The following TRPM8 variants were observed in gnomAD, a reference collection of about 807,000 sequenced individuals.
The protein encoded by TRPM8 is TRPM8 cationic channel.
TRPM8 carries 110 observed loss-of-function variants against 133.7 expected under a neutral mutation model. That is an observed-to-expected ratio of 0.82 (90% CI 0.70 to 0.96). The LOEUF (loss-of-function observed/expected upper bound fraction) is 0.96, where lower values mean the gene tolerates loss of function less well. TRPM8 is among the 40% of genes least tolerant of loss of function. TRPM8 has a pLI of 0.00. For synonymous variants in TRPM8, 535 were observed against 532.3 expected (o/e 1.01, Z -0.07); for missense variants, 1,291 against 1,379.5 (o/e 0.94, Z 1.02).
At chr2:233,945,797 T>C in intron 6 of TRPM8, 59 bp from the exon 7 acceptor site, 1 of 1,457,622 alleles carries the variant, frequency 6.9e-7, no homozygotes, top group Middle Eastern at 1.8e-4. Flanking sequence ...TAGAAAAATA[T>C]CATCATGTAT....
At chr2:233,948,806 G>T (rs943157484) in intron 8 of TRPM8, among the ~76,000 whole-genome samples, 1 of 152,236 alleles carries the variant, frequency 6.6e-6, no homozygotes, top group Admixed American at 6.5e-5. Flanking sequence ...GCCAAGGAGG[G>T]TGGATCACCT....
chr2:233,967,881 G>A (rs567911816), intron 15 of TRPM8, among the ~76,000 whole-genome samples: 8 of 152,090 alleles, frequency 5.3e-5, no homozygotes, highest in East Asian at 3.9e-4. Context: ...TATCTCGCTT[G>A]TGTCCCAGAA....
Position 234,017,817 on chromosome 2 carries a change from C to A in TRPM8, c.*561C>A, listed in dbSNP as rs1264587748. On this transcript the variant is annotated 3_prime_UTR_variant, in exon 26 of 26. Transcript: ENST00000324695. Reference sequence around the variant, plus strand: ...CTTCAGGAAAAGTGTTTTCATTTCTCAGGATGCTTCTTACCTGTCAGAGGA... The same window carrying A: ...CTTCAGGAAAAGTGTTTTCATTTCTAAGGATGCTTCTTACCTGTCAGAGGA... The A allele has an allele frequency of 6.5e-6, 1 of 155,030 alleles. No individual in the cohort carries two copies. The highest frequency in any genetic ancestry group is 1.4e-5 in the Non-Finnish European group (1 of 70,086). 9.6% of individuals were successfully genotyped at this position (155,030 alleles called of 1,614,324 possible).
At chr2:233,929,128 G>T (rs1691633140) in intron 2 of TRPM8, among the ~76,000 whole-genome samples, 1 of 152,006 alleles carries the variant, frequency 6.6e-6, no homozygotes. Context: ...GCCTAAGGGG[G>T]ATGGTATGTG....
At chr2:234,004,978 C>A (rs1692657642) in intron 22 of TRPM8, among the ~76,000 whole-genome samples, 1 of 152,136 alleles carries the variant, frequency 6.6e-6, no homozygotes, top group African/African-American at 2.4e-5. Flanking sequence ...TATGGATGCA[C>A]CATAATTAAT....
At chr2:233,984,725 G>A (rs967687269) in intron 20 of TRPM8, among the ~76,000 whole-genome samples, 1 of 152,136 alleles carries the variant, frequency 6.6e-6, no homozygotes, top group African/African-American at 2.4e-5. Context: ...TTTGGAAAAG[G>A]GAATCTGATG....
At chr2:233,965,754 T>C (rs1691551595) in intron 14 of TRPM8, among the ~76,000 whole-genome samples, 2 of 148,072 alleles carry the variant, frequency 1.4e-5, no homozygotes, top group Admixed American at 1.4e-4. Context: ...CTAATAGTTT[T>C]ACTGTAAAAA....
intron 14 of TRPM8, chr2:233,966,097 T>G (rs918863191): frequency 6.5e-6 from 1 of 154,204 alleles, no homozygotes; most frequent in Non-Finnish European, 1.4e-5. Context: ...TGATCCACAC[T>G]CCTCGGCCTC....
intron 1 of TRPM8, among the ~76,000 whole-genome samples, chr2:233,921,169 C>T (rs191992464): frequency 3.3e-5 from 5 of 152,266 alleles, no homozygotes. Context: ...CCCCAGATTT[C>T]ACCACTTGGA....
chr2:233,927,941 TC>T (rs1691596919), intron 2 of TRPM8, among the ~76,000 whole-genome samples: 1 of 73,716 alleles, frequency 1.4e-5, no homozygotes, highest in Non-Finnish European at 2.4e-5. Flanking sequence ...TCTCTCTCTC[TC>T]TCTCTCTCTC....
intron 2 of TRPM8, among the ~76,000 whole-genome samples, chr2:233,927,960 CTTTCTT>C (rs754668605): frequency 5.5e-4 from 27 of 49,170 alleles, no homozygotes; most frequent in Middle Eastern, 9.8e-3. Flanking sequence ...CTCTCTCTCT[CTTTCTT>C]TCTTTCTTTC....
At chr2:234,008,239 T>C in intron 24 of TRPM8, 136 bp downstream of exon 24, 1 of 873,556 alleles carries the variant, frequency 1.1e-6, no homozygotes, top group Non-Finnish European at 1.7e-6. Flanking sequence ...AAGAGCAGGG[T>C]GCTGGAATGG....
chr2:233,985,484 C>T (rs1486821143), intron 20 of TRPM8, among the ~76,000 whole-genome samples: 1 of 152,150 alleles, frequency 6.6e-6, no homozygotes, highest in African/African-American at 2.4e-5. Flanking sequence ...AACAAAGCCC[C>T]TTGTTCTTAG....
chr2:234,009,289 T>C (rs141584530), intron 24 of TRPM8, among the ~76,000 whole-genome samples: 2 of 152,296 alleles, frequency 1.3e-5, no homozygotes, highest in African/African-American at 4.8e-5. Context: ...CAGTCTATTT[T>C]AGTTTGTTTT....
At chr2:233,965,140 C>G (rs952274027) in intron 14 of TRPM8, among the ~76,000 whole-genome samples, 1 of 152,042 alleles carries the variant, frequency 6.6e-6, no homozygotes, top group Non-Finnish European at 1.5e-5. Flanking sequence ...AGTTAGCCTG[C>G]CAGTTTCATA....
At chr2:233,946,224 T>G in intron 7 of TRPM8, 194 bp downstream of exon 7, 1 of 543,566 alleles carries the variant, frequency 1.8e-6, no homozygotes, top group East Asian at 2.9e-5. Flanking sequence ...CAATGTGGTA[T>G]GTACCCTTTA....
intron 17 of TRPM8, among the ~76,000 whole-genome samples, chr2:233,972,469 C>T (rs1177407608): frequency 6.6e-6 from 1 of 152,254 alleles, no homozygotes; most frequent in Admixed American, 6.5e-5. Context: ...TGTGCGCCCG[C>T]ACTCCTCAGC....
chr2:233,932,477 G>A (rs948139108), intron 3 of TRPM8, among the ~76,000 whole-genome samples: 2 of 152,146 alleles, frequency 1.3e-5, no homozygotes, highest in African/African-American at 2.4e-5. Context: ...AGTGGAATAT[G>A]TTGATTGGCA....
At chr2:233,942,313 C>T (rs1268916282) in intron 5 of TRPM8, among the ~76,000 whole-genome samples, 5 of 152,158 alleles carry the variant, frequency 3.3e-5, no homozygotes, top group Admixed American at 2.6e-4. Context: ...CTCCTGACCT[C>T]GTGATCCACT....
Sources: gnomAD v4.1 joint callset for allele counts (sites outside exome capture counted in the v4.1 genomes callset) on GRCh38, gnomAD v4.1.1 for gene constraint, MANE v1.5 for transcripts, NCBI Gene and HGNC (gene_info 2026-07-23, HGNC 2026-07-21) for gene names.